HTR3E: variants seen among roughly 807,000 people sequenced by gnomAD.
HTR3E encodes the protein 5-hydroxytryptamine (serotonin) receptor 3, family member E.
HTR3E carries 38 observed loss-of-function variants against 38.0 expected under a neutral mutation model. The observed-to-expected ratio is 1.00, with a 90% confidence interval of 0.77 to 1.31. The LOEUF is 1.31. Among genes scored for constraint, HTR3E ranks in the 50% most tolerant of loss-of-function variants. The pLI is 0.00. For missense variants in HTR3E, 547 were observed against 585.2 expected (o/e 0.93, Z 0.67); for synonymous variants, 210 against 232.9 (o/e 0.90, Z 0.89).
intron 2 of HTR3E, among the ~76,000 whole-genome samples, chr3:184,101,006 C>T (rs781033806): frequency 7.9e-5 from 12 of 152,114 alleles, no homozygotes; most frequent in African/African-American, 1.9e-4. Context: ...TGCAATGGCA[C>T]GGTCTTGGCT....
chr3:184,106,756 T>TC lies in HTR3E; in HGVS notation c.*69dup, dbSNP rs1246309858. On this transcript the variant is annotated 3_prime_UTR_variant, in exon 9 of 9. Transcript: ENST00000415389. This position sits in a 1 kb window ranked among gnomAD's most constrained non-coding sequence, Gnocchi z 4.1. ...CTTGCCTCCAGGGACTGGCCAGGTC[T>TC]CCCCCCTTTCCTGAGTACCAACTAT... is the stretch of plus-strand genomic sequence containing the variant. 2.0e-6 allele frequency: 3 copies of TC among 1,526,476 alleles called. No individual in the cohort carries two copies. Among genetic ancestry groups the TC allele is most frequent in the Non-Finnish European group, 2.7e-6 (3 of 1,112,888 alleles). The allele number at this position is 1,526,476 out of a possible 1,614,324, so 94.6% of individuals were successfully genotyped here. A position where few individuals can be genotyped will look rare whatever the true frequency, so the allele number is the denominator to read the frequency against.
intron 1 of HTR3E, among the ~76,000 whole-genome samples, chr3:184,099,645 C>A (rs373527974): frequency 7.4e-6 from 1 of 135,688 alleles, no homozygotes; most frequent in South Asian, 2.3e-4. Context: ...ACCCGGGAAG[C>A]GGAGCTTGCA....
At chr3:184,104,120 T>C in intron 3 of HTR3E, 62 bp from the exon 4 acceptor site, 6 of 947,872 alleles carry the variant, frequency 6.3e-6, no homozygotes, top group African/African-American at 1.8e-5. Context: ...ATTTCATAAC[T>C]TTTTTTTTTA....
intron 3 of HTR3E, 159 bp from the exon 4 acceptor site, chr3:184,104,023 T>C: frequency 2.0e-6 from 1 of 502,926 alleles, no homozygotes; most frequent in Non-Finnish European, 3.3e-6. Flanking sequence ...CAAGTAAATT[T>C]AATAAAATAT....
In HTR3E at chr3:184,105,238, A is replaced by G. The variant is rs572958642; in HGVS notation, c.560-29A>G. ...AGCCACCAGGAAACTATCTCCTTGA[A>G]AAATGATTCAGATGGTTCTCATTTT... is the stretch of plus-strand genomic sequence containing the variant. On this transcript the variant is annotated intron_variant, in intron 5 of 8. Transcript: ENST00000415389. 3.2e-6 allele frequency: 5 copies of G among 1,572,384 alleles called. No homozygotes were observed. The African/African-American group carries it at 6.8e-5, about 21-fold the overall frequency.
chr3:184,102,065 A>G (rs1712082542), intron 3 of HTR3E, among the ~76,000 whole-genome samples: 1 of 152,218 alleles, frequency 6.6e-6, no homozygotes, highest in Admixed American at 6.5e-5. Context: ...CACAATTAAG[A>G]AGCTTAGTCT....
intron 6 of HTR3E, 62 bp from the exon 7 acceptor site, chr3:184,105,703 T>G: frequency 3.0e-6 from 4 of 1,345,160 alleles, no homozygotes; most frequent in Non-Finnish European, 4.3e-6. Flanking sequence ...GTCACTGCTA[T>G]TCCTGGATTT....
intron 1 of HTR3E, 127 bp downstream of exon 1, chr3:184,097,723 C>T: frequency 1.5e-6 from 1 of 667,206 alleles, no homozygotes. Context: ...TCTTTCATAG[C>T]TACATTACTA....
Position 184,104,954 on chromosome 3 carries a change from C to T in HTR3E, c.557C>T (p.Thr186Ile), listed in dbSNP as rs753580083. ...CTCACCTTCAGCTCATTCCTCTACA[C>T]AGGTAAGTTGCAGTGAGGTCTCAGG... ...CTLTFSSFLY[T>I]VDSMLLDMEK... Residue 186 changes from threonine to isoleucine, a missense_variant and splice_region_variant, in exon 5 of 9, where the codon ACA becomes ATA. Coordinates refer to ENST00000415389, the MANE Select transcript of HTR3E (RefSeq NM_001256613.2). 6.2e-7 allele frequency: 1 copy of T among 1,611,822 alleles called. No homozygotes were observed.
rs1282837713 is a variant in HTR3E at position 184,106,266 on chromosome 3, A to C, written c.1064A>C (p.Asn355Thr). 45 of 1,612,942 alleles carry C rather than the reference A, an allele frequency of 2.8e-5. 1 individual carries two copies. The South Asian group carries it at 4.5e-4, about 16-fold the overall frequency. The stretch of plus-strand genomic sequence containing the variant: ...CTCCACTCCCTGCTGCTCCACTGCA[A>C]CAGCCCGGGGAGATGCTGTCCCACT... Reference protein sequence around the residue: ...RWLHSLLLHCNSPGRCCPTAP... With the variant: ...RWLHSLLLHCTSPGRCCPTAP... The change falls in exon 8 of 9, where the codon AAC (asparagine) becomes ACC (threonine). Residue 355 changes from asparagine to threonine, a missense_variant. Coordinates refer to ENST00000415389, the MANE Select transcript of HTR3E (RefSeq NM_001256613.2). The surrounding 1 kb of genome is among the most constrained non-coding windows in gnomAD (Gnocchi z 4.1).
chr3:184,099,739 A>AAAAAAAAAAAAAAAAAAAAC (rs767836103), intron 1 of HTR3E, among the ~76,000 whole-genome samples: 2 of 113,096 alleles, frequency 1.8e-5, no homozygotes, highest in Non-Finnish European at 1.7e-5. Flanking sequence ...AAAAAAAAAA[A>AAAAAAAAAAAAAAAAAAAAC]AGAAAGAAAT....
intron 1 of HTR3E, chr3:184,100,216 C>A: frequency 7.2e-7 from 1 of 1,397,930 alleles, no homozygotes; most frequent in Non-Finnish European, 9.4e-7. Flanking sequence ...GGCTGTCTGA[C>A]TGTAGGAAGT....
chr3:184,097,888 T>G (rs1711750536), intron 1 of HTR3E, among the ~76,000 whole-genome samples: 1 of 152,234 alleles, frequency 6.6e-6, no homozygotes, highest in South Asian at 2.1e-4. Flanking sequence ...TTCCCAATAC[T>G]ACTTGAAAAG....
chr3:184,100,513 C>T lies in HTR3E; in HGVS notation c.96C>T (p.Cys32=), dbSNP rs769163019. The T allele has an allele frequency of 6.2e-6, 10 of 1,614,150 alleles. No individual in the cohort carries two copies. The highest frequency in any genetic ancestry group is 7.6e-6 in the Non-Finnish European group (9 of 1,180,034). The change falls in exon 2 of 9, where the codon TGC becomes TGT. Residue 32 remains cysteine (C), a synonymous_variant. Coordinates refer to ENST00000415389, the MANE Select transcript of HTR3E (RefSeq NM_001256613.2). The part of the protein sequence containing the change: ...QGRGVTFTIN[C]SGFGQHGADP... ...GGGGCGTTACTTTCACCATCAATTGCTCAGGGTTTGGCCAGCACGGGGCGG... is the reference window on the plus strand; with the variant it reads ...GGGGCGTTACTTTCACCATCAATTGTTCAGGGTTTGGCCAGCACGGGGCGG...
intron 2 of HTR3E, among the ~76,000 whole-genome samples, 175 bp from the exon 3 acceptor site, chr3:184,101,310 C>T (rs1482178960): frequency 1.3e-5 from 2 of 152,158 alleles, no homozygotes; most frequent in Non-Finnish European, 2.9e-5. Flanking sequence ...TTACTCCCGC[C>T]CTGCTGTGAA....
intron 1 of HTR3E, 121 bp from the exon 2 acceptor site, chr3:184,100,364 G>A (rs761446664): frequency 6.2e-7 from 1 of 1,612,780 alleles, no homozygotes; most frequent in Non-Finnish European, 8.5e-7. Flanking sequence ...CACAGCCAGT[G>A]CTCAACAAAT....
chr3:184,105,553 C>A, intron 6 of HTR3E, 126 bp downstream of exon 6: 2 of 1,150,732 alleles, frequency 1.7e-6, no homozygotes, highest in Non-Finnish European at 1.2e-6. Context: ...GGCTTCCCAG[C>A]CTCATTCTTC....
At chr3:184,101,457 T>C in intron 2 of HTR3E, 28 bp from the exon 3 acceptor site, 1 of 1,608,350 alleles carries the variant, frequency 6.2e-7, no homozygotes, top group Non-Finnish European at 8.5e-7. Context: ...ACTGGCAACA[T>C]GATGGAAATA....
In HTR3E at chr3:184,106,001, G is replaced by A. The variant is rs1712421426; in HGVS notation, c.925+32G>A. 18 of 1,613,066 alleles carry A rather than the reference G, an allele frequency of 1.1e-5. No individual in the cohort carries two copies. Among genetic ancestry groups the A allele is most frequent in the Non-Finnish European group, 1.4e-5 (17 of 1,179,034 alleles). ...CTCCTCCCACCTTTTGGAAGAGAAG[G>A]GTGGGAACTAACTCAGGAAGGGAGG... On this transcript the variant is annotated intron_variant, in intron 7 of 8. Transcript: ENST00000415389. This position sits in a 1 kb window ranked among gnomAD's most constrained non-coding sequence, Gnocchi z 4.1.
Sources: gnomAD v4.1 joint callset for allele counts (sites outside exome capture counted in the v4.1 genomes callset) on GRCh38, gnomAD v4.1.1 for gene constraint, Gnocchi (gnomAD v3.1) non-coding constraint, MANE v1.5 for transcripts, NCBI Gene and HGNC (gene_info 2026-07-23, HGNC 2026-07-21) for gene names.